The following PDGFD variants were observed in gnomAD, a reference collection of about 807,000 sequenced individuals.
PDGFD encodes platelet-derived growth factor D.
Under a neutral mutation model 44.7 loss-of-function variants are expected in PDGFD, and 30 were observed. That is an observed-to-expected ratio of 0.67 (90% CI 0.50 to 0.91). The LOEUF is 0.91. PDGFD is among the 40% of genes least tolerant of loss of function. The pLI is 0.00. For synonymous variants in PDGFD, 173 were observed against 168.4 expected (o/e 1.03, Z -0.21); for missense variants, 445 against 457.8 (o/e 0.97, Z 0.25).
intron 1 of PDGFD, among the ~76,000 whole-genome samples, chr11:104,136,042 T>C (rs1861999004): frequency 6.6e-6 from 1 of 151,774 alleles, no homozygotes; most frequent in Admixed American, 6.6e-5. Flanking sequence ...AGGGAACAGG[T>C]GAGATGGGAT....
At chr11:104,051,988 A>G (rs1488150550) in intron 1 of PDGFD, among the ~76,000 whole-genome samples, 1 of 152,092 alleles carries the variant, frequency 6.6e-6, no homozygotes, top group Non-Finnish European at 1.5e-5. Flanking sequence ...CCAAAGGGAA[A>G]CCCTATACAC....
intron 3 of PDGFD, among the ~76,000 whole-genome samples, chr11:103,990,122 TAAGAA>T (rs1182130557): frequency 6.6e-6 from 1 of 152,174 alleles, no homozygotes; most frequent in African/African-American, 2.4e-5. Context: ...GAGATAAAGA[TAAGAA>T]ACCTTCCTCA....
intron 1 of PDGFD, among the ~76,000 whole-genome samples, chr11:104,162,052 G>C (rs1256939526): frequency 2.0e-5 from 3 of 151,136 alleles, no homozygotes; most frequent in African/African-American, 7.3e-5. Context: ...AGTTTTTAAA[G>C]CTTTCATGAA....
At chr11:104,003,991 C>A (rs1237077796) in intron 1 of PDGFD, among the ~76,000 whole-genome samples, 1 of 152,124 alleles carries the variant, frequency 6.6e-6, no homozygotes, top group Admixed American at 6.5e-5. Flanking sequence ...AAAACAAGAC[C>A]AGGGGACAAT....
At chr11:103,916,159 T>C (rs935634051) in intron 6 of PDGFD, among the ~76,000 whole-genome samples, 11 of 152,028 alleles carry the variant, frequency 7.2e-5, no homozygotes, top group African/African-American at 2.7e-4. Flanking sequence ...ACAAGCAACC[T>C]ACAGAATGGG....
At chr11:103,978,350 G>C (rs888549252) in intron 3 of PDGFD, among the ~76,000 whole-genome samples, 1 of 151,930 alleles carries the variant, frequency 6.6e-6, no homozygotes, top group Non-Finnish European at 1.5e-5. Flanking sequence ...GGCCACCTGG[G>C]TACTCTTTCT....
intron 1 of PDGFD, among the ~76,000 whole-genome samples, chr11:104,136,235 G>A (rs552724243): frequency 1.1e-4 from 16 of 152,232 alleles, no homozygotes; most frequent in African/African-American, 3.9e-4. Flanking sequence ...AGAGAGTCAA[G>A]GCTATATATG....
chr11:103,936,884 G>A (rs995100719), intron 5 of PDGFD, among the ~76,000 whole-genome samples: 3 of 151,466 alleles, frequency 2.0e-5, no homozygotes, highest in Non-Finnish European at 4.4e-5. Flanking sequence ...GGAGTGCAGT[G>A]GTGCAGTCAC....
At chr11:103,982,681 C>A (rs571056687) in intron 3 of PDGFD, among the ~76,000 whole-genome samples, 1 of 151,802 alleles carries the variant, frequency 6.6e-6, no homozygotes, top group African/African-American at 2.4e-5. Context: ...CATCTCAGCC[C>A]AAAAGCTTTT....
chr11:103,969,032 C>T (rs1052596294), intron 3 of PDGFD, among the ~76,000 whole-genome samples: 2 of 152,214 alleles, frequency 1.3e-5, no homozygotes, highest in African/African-American at 4.8e-5. Context: ...GAAACCACAT[C>T]CTTTGAGAAA....
At chr11:104,119,646 AATAG>A (rs1169540296) in intron 1 of PDGFD, among the ~76,000 whole-genome samples, 16 of 12,642 alleles carry the variant, frequency 1.3e-3, no homozygotes, top group Non-Finnish European at 3.3e-3. Context: ...ATAATATATT[AATAG>A]ATATATATAA....
intron 1 of PDGFD, among the ~76,000 whole-genome samples, chr11:104,163,518 C>T (rs924700041): frequency 2.0e-5 from 3 of 152,086 alleles, no homozygotes; most frequent in Non-Finnish European, 4.4e-5. Flanking sequence ...GCACCGCATC[C>T]TGGTACCAGA....
intron 1 of PDGFD, among the ~76,000 whole-genome samples, chr11:104,054,156 ATAAC>A (rs1860585831): frequency 6.6e-6 from 1 of 152,244 alleles, no homozygotes; most frequent in Admixed American, 6.5e-5. Context: ...TGTTTATTTC[ATAAC>A]TGGATTTTGA....
intron 3 of PDGFD, among the ~76,000 whole-genome samples, chr11:103,983,589 A>C (rs1388107568): frequency 6.6e-6 from 1 of 151,894 alleles, no homozygotes; most frequent in Non-Finnish European, 1.5e-5. Context: ...AAAACTAAAG[A>C]GCTTCTGCAC....
At chr11:104,074,099 C>G (rs762845853) in intron 1 of PDGFD, among the ~76,000 whole-genome samples, 5 of 152,068 alleles carry the variant, frequency 3.3e-5, no homozygotes, top group Admixed American at 6.6e-5. Context: ...CTTTTTTCAC[C>G]ATGACAATAA....
chr11:104,097,614 A>T (rs1861305608), intron 1 of PDGFD, among the ~76,000 whole-genome samples: 1 of 152,146 alleles, frequency 6.6e-6, no homozygotes, highest in Non-Finnish European at 1.5e-5. Context: ...TTGACACTTT[A>T]AGAGATAATA....
intron 3 of PDGFD, among the ~76,000 whole-genome samples, chr11:103,954,896 G>A (rs1858814078): frequency 6.6e-6 from 1 of 152,058 alleles, no homozygotes; most frequent in Non-Finnish European, 1.5e-5. Context: ...CGGGCGCGGT[G>A]GCTCACGCCT....
In PDGFD at chr11:104,138,282, A is replaced by T. The variant is rs565887708; in HGVS notation, c.124+25522T>A. ...TACATTAATTTTTTTACATTAAAAA[A>T]CTCACTTTTATGAAAACCCAAAGAG... On this transcript the variant is annotated intron_variant, in intron 1 of 6. Transcript: ENST00000393158. 2.6e-5 allele frequency among the ~76,000 whole-genome samples: 4 copies of T among 152,166 alleles called. No homozygotes were observed. In the South Asian group the frequency reaches 8.3e-4, roughly 32 times the overall value.
At chr11:104,052,521 G>C (rs1277998213) in intron 1 of PDGFD, among the ~76,000 whole-genome samples, 2 of 152,098 alleles carry the variant, frequency 1.3e-5, no homozygotes, top group Non-Finnish European at 2.9e-5. Flanking sequence ...AAGGTTTGGG[G>C]TTCCCTGGCA....
Sources: gnomAD v4.1 joint callset for allele counts (sites outside exome capture counted in the v4.1 genomes callset) on GRCh38, gnomAD v4.1.1 for gene constraint, MANE v1.5 for transcripts, NCBI Gene and HGNC (gene_info 2026-07-23, HGNC 2026-07-21) for gene names.